The following IGSF21 variants were observed in gnomAD, a reference collection of about 807,000 sequenced individuals.
The protein encoded by IGSF21 is immunoglobulin superfamily member 21.
Under a neutral mutation model 46.8 loss-of-function variants are expected in IGSF21, and 28 were observed. The observed-to-expected ratio is 0.60, with a 90% CI of 0.44 to 0.82. IGSF21 has a LOEUF of 0.82. Among genes scored for constraint, IGSF21 ranks in the 40% least tolerant of loss-of-function variants. The pLI, the probability that IGSF21 is intolerant of heterozygous loss-of-function variation, is 0.00. For missense variants in IGSF21, 624 were observed against 665.5 expected (o/e 0.94, Z 0.69); for synonymous variants, 284 against 273.6 (o/e 1.04, Z -0.38).
At chr1:18,204,657 G>A (rs1366380802) in intron 1 of IGSF21, among the ~76,000 whole-genome samples, 1 of 152,174 alleles carries the variant, frequency 6.6e-6, no homozygotes, top group Non-Finnish European at 1.5e-5. Flanking sequence ...ACACAAGGCA[G>A]TGTGTGTCTG....
chr1:18,132,613 T>G (rs143132068), intron 1 of IGSF21, among the ~76,000 whole-genome samples: 2,317 of 152,288 alleles, frequency 0.015, 29 homozygotes, highest in Middle Eastern at 0.027. Context: ...GGCCACCTCT[T>G]GGGCTGTCAG....
chr1:18,320,065 T>G (rs868584446), intron 3 of IGSF21, among the ~76,000 whole-genome samples: 5 of 152,336 alleles, frequency 3.3e-5, no homozygotes, highest in Middle Eastern at 6.8e-3. Flanking sequence ...TTCTCAGAGC[T>G]GGGTACTGTG....
intron 2 of IGSF21, among the ~76,000 whole-genome samples, chr1:18,230,994 C>T (rs1328908844): frequency 6.6e-6 from 1 of 151,966 alleles, no homozygotes. Flanking sequence ...GTTTGCTTCC[C>T]GTCCCAGCTT....
intron 2 of IGSF21, among the ~76,000 whole-genome samples, chr1:18,284,919 A>C (rs1420291558): frequency 6.6e-6 from 1 of 152,216 alleles, no homozygotes; most frequent in Admixed American, 6.5e-5. Context: ...CTGCCTGGAC[A>C]CAGAGACCTC....
intron 4 of IGSF21, among the ~76,000 whole-genome samples, chr1:18,348,285 G>C (rs2085915311): frequency 6.6e-6 from 1 of 152,180 alleles, no homozygotes. Flanking sequence ...GGATTCATCT[G>C]CTTCTGGAAT....
In IGSF21 at chr1:18,290,145, G is replaced by A. The variant is rs535780977; in HGVS notation, c.184-1721G>A. Among the ~76,000 whole-genome samples, 3 of 152,282 alleles carry A rather than the reference G, an allele frequency of 2.0e-5. No homozygotes were observed. The South Asian group carries it at 6.2e-4, about 32-fold the overall frequency. On this transcript the variant is annotated intron_variant, in intron 2 of 9. Transcript: ENST00000251296. The surrounding 1 kb of genome is among the most constrained non-coding windows in gnomAD (Gnocchi z 4.2). ...AGCATCTTTCTTGGGGTGAGTGCCA[G>A]CAGGGATCCCAAGAGGAGAGGAGAA...
intron 1 of IGSF21, among the ~76,000 whole-genome samples, chr1:18,182,639 TCAC>T (rs2124469942): frequency 6.6e-6 from 1 of 152,294 alleles, no homozygotes; most frequent in South Asian, 2.1e-4. Flanking sequence ...ACTGTCTCTG[TCAC>T]CACTGTTGAA....
chr1:18,224,195 C>CA (rs1362812482), intron 1 of IGSF21, among the ~76,000 whole-genome samples: 2 of 152,164 alleles, frequency 1.3e-5, no homozygotes, highest in Non-Finnish European at 2.9e-5. Context: ...ATTCCTGGCT[C>CA]AGGTTCTACA....
intron 1 of IGSF21, among the ~76,000 whole-genome samples, chr1:18,177,399 G>GTGGGGATGGGGTCAGTGAGGTA (rs2086811908): frequency 7.3e-5 from 4 of 54,432 alleles, no homozygotes; most frequent in Non-Finnish European, 1.2e-4. Flanking sequence ...TGAGGTGTGT[G>GTGGGGATGGGGTCAGTGAGGTA]TGTGTGTGTG....
At chr1:18,195,540 G>A (rs775315504) in intron 1 of IGSF21, among the ~76,000 whole-genome samples, 10 of 152,078 alleles carry the variant, frequency 6.6e-5, no homozygotes, top group Non-Finnish European at 1.2e-4. Flanking sequence ...CAGATTCCCC[G>A]GCTCTGTGTG....
chr1:18,176,301 G>GAGACACCTGGCTTCATTTTTC (rs2086796915), intron 1 of IGSF21: 1 of 152,204 alleles, frequency 6.6e-6, no homozygotes, highest in Admixed American at 6.5e-5. Flanking sequence ...TGCAAATGAC[G>GAGACACCTGGCTTCATTTTTC]AGACACCTGG....
At chr1:18,145,777 G>T (rs534384874) in intron 1 of IGSF21, among the ~76,000 whole-genome samples, 1 of 152,228 alleles carries the variant, frequency 6.6e-6, no homozygotes, top group South Asian at 2.1e-4. Flanking sequence ...CCGGCTGAGC[G>T]TGGAGGTTAG....
At chr1:18,118,723 G>A (rs998158834) in intron 1 of IGSF21, among the ~76,000 whole-genome samples, 1 of 152,170 alleles carries the variant, frequency 6.6e-6, no homozygotes, top group African/African-American at 2.4e-5. Flanking sequence ...CCTGTTGCCT[G>A]GCTGGGGAGC....
chr1:18,364,828 G>C (rs968692866), intron 5 of IGSF21, among the ~76,000 whole-genome samples: 1 of 152,138 alleles, frequency 6.6e-6, no homozygotes, highest in African/African-American at 2.4e-5. Flanking sequence ...GAGTGGGCAT[G>C]GACCACACCC....
chr1:18,171,112 G>A (rs534202355), intron 1 of IGSF21, among the ~76,000 whole-genome samples: 35 of 152,206 alleles, frequency 2.3e-4, no homozygotes, highest in African/African-American at 7.7e-4. Context: ...CAAGTGTCTC[G>A]GTGTCTTGTA....
chr1:18,321,549 C>T (rs1429414114), intron 3 of IGSF21, among the ~76,000 whole-genome samples: 12 of 152,122 alleles, frequency 7.9e-5, no homozygotes, highest in African/African-American at 2.7e-4. Flanking sequence ...GACCGGGAAG[C>T]CCAAGGTCAA....
At chr1:18,376,468 G>T in intron 7 of IGSF21, 73 bp downstream of exon 7, 1 of 1,071,590 alleles carries the variant, frequency 9.3e-7, no homozygotes, top group South Asian at 1.3e-5. Flanking sequence ...CAGCATTCCT[G>T]GCAGTCCTCT....
At chr1:18,316,363 T>G (rs1418127473) in intron 3 of IGSF21, among the ~76,000 whole-genome samples, 5 of 152,194 alleles carry the variant, frequency 3.3e-5, no homozygotes, top group Admixed American at 6.5e-5. Context: ...GGAGCAGTCC[T>G]CAGGGCCTTC....
chr1:18,369,011 G>A (rs914819670), intron 6 of IGSF21, among the ~76,000 whole-genome samples: 4 of 152,158 alleles, frequency 2.6e-5, no homozygotes, highest in South Asian at 4.1e-4. Context: ...AACTGGAGCC[G>A]CCTCTGTGGG....
Sources: allele counts gnomAD v4.1 joint callset (sites outside exome capture counted in the v4.1 genomes callset), GRCh38; gene constraint gnomAD v4.1.1; non-coding constraint Gnocchi (gnomAD v3.1); transcripts MANE v1.5; gene names NCBI Gene and HGNC (gene_info 2026-07-23, HGNC 2026-07-21).